The following SLC25A18 variants were observed in gnomAD, a reference collection of about 807,000 sequenced individuals.
SLC25A18 encodes the protein solute carrier family 25 member 18.
In SLC25A18, 24 loss-of-function variants were observed where a neutral mutation model predicts 31.1. The observed-to-expected ratio is 0.77, with a 90% CI of 0.56 to 1.08. SLC25A18 has a LOEUF of 1.08. Ranked by LOEUF, SLC25A18 falls within the 50% of genes least tolerant of loss-of-function variation. The pLI is 0.00. For synonymous variants in SLC25A18, 173 were observed against 161.9 expected, an observed-to-expected ratio of 1.07 and a Z score of -0.52; for missense variants, 371 against 418.5, an observed-to-expected ratio of 0.89 and a Z score of 0.99.
At chr22:17,567,034 T>C (rs1207628279) in intron 1 of SLC25A18, among the ~76,000 whole-genome samples, 1 of 152,194 alleles carries the variant, frequency 6.6e-6, no homozygotes, top group South Asian at 2.1e-4. Flanking sequence ...CATAGTGGCA[T>C]GCCTGTAATC....
intron 1 of SLC25A18, among the ~76,000 whole-genome samples, chr22:17,566,415 T>TC (rs1203148025): frequency 6.9e-6 from 1 of 144,630 alleles, no homozygotes; most frequent in Admixed American, 6.9e-5. Context: ...GCTGTCATTT[T>TC]CTTTTTTTTT....
In SLC25A18 at chr22:17,563,656, G is replaced by C; in HGVS notation, c.-321G>C. On this transcript the variant is annotated 5_prime_UTR_variant, in exon 1 of 11. Coordinates refer to ENST00000327451, the MANE Select transcript of SLC25A18 (RefSeq NM_031481.3). ...AGTGAGAAGAGTCGAGTGAAGCCTG[G>C]CCCGTGAGTGCCTCAACAACTGAGA... is the stretch of plus-strand genomic sequence containing the variant. 1 of 985,376 alleles carries C rather than the reference G, an allele frequency of 1.0e-6. No individual in the cohort carries two copies. Among genetic ancestry groups the C allele is most frequent in the Non-Finnish European group, 1.2e-6 (1 of 829,908 alleles). The allele number at this position is 985,376 out of a possible 1,614,324, so 61.0% of individuals were successfully genotyped here. A position where few individuals can be genotyped will look rare whatever the true frequency, so the allele number is the denominator to read the frequency against.
At chr22:17,564,836 G>A in intron 1 of SLC25A18, among the ~76,000 whole-genome samples, 1 of 125,416 alleles carries the variant, frequency 8.0e-6, no homozygotes. Flanking sequence ...CAGCCTGGGG[G>A]ACAGAGCAAG....
chr22:17,587,771 C>T (rs1411081545), intron 8 of SLC25A18, 154 bp from the exon 9 acceptor site: 6 of 868,990 alleles, frequency 6.9e-6, no homozygotes, highest in Non-Finnish European at 1.1e-5. Flanking sequence ...CCCTGCTGTC[C>T]CTCACCCACG....
At chr22:17,574,370 C>G (rs1356886006) in intron 2 of SLC25A18, among the ~76,000 whole-genome samples, 1 of 152,212 alleles carries the variant, frequency 6.6e-6, no homozygotes, top group Admixed American at 6.5e-5. Flanking sequence ...CTGTCTCTAG[C>G]CACCCAGGCT....
intron 8 of SLC25A18, 100 bp from the exon 9 acceptor site, chr22:17,587,825 C>T (rs959793346): frequency 1.4e-6 from 2 of 1,470,078 alleles, no homozygotes; most frequent in Non-Finnish European, 1.9e-6. Context: ...TGGCTCCTCT[C>T]ACTGTAAGCC....
intron 2 of SLC25A18, among the ~76,000 whole-genome samples, chr22:17,572,374 A>G (rs2057113119): frequency 6.7e-6 from 1 of 149,782 alleles, no homozygotes; most frequent in Non-Finnish European, 1.5e-5. Flanking sequence ...AATCTCAGCT[A>G]CTCAGGAGGC....
intron 1 of SLC25A18, chr22:17,569,508 C>A: frequency 1.6e-6 from 1 of 632,504 alleles, no homozygotes; most frequent in East Asian, 1.4e-4. Flanking sequence ...GTGCATGAGA[C>A]TGAGAAGCAG....
In SLC25A18 at chr22:17,569,917, C is replaced by T. The variant is rs2057043052; in HGVS notation, c.-263-7C>T. ...TGGCTGACACTGAAAGCCACCTCTCCCTGCAGCTCAGCAGCGATCTGAACT... is the reference window on the plus strand; with the variant it reads ...TGGCTGACACTGAAAGCCACCTCTCTCTGCAGCTCAGCAGCGATCTGAACT... On this transcript the variant is annotated splice_polypyrimidine_tract_variant and splice_region_variant and intron_variant, in intron 1 of 10. Transcript: ENST00000327451. 1.0e-6 allele frequency: 1 copy of T among 985,438 alleles called. No individual in the cohort carries two copies. Among genetic ancestry groups the T allele is most frequent in the Non-Finnish European group, 1.2e-6 (1 of 830,046 alleles). The allele number at this position is 985,438 out of a possible 1,614,324, so 61.0% of individuals were successfully genotyped here.
chr22:17,577,460 C>T (rs1025954702), intron 2 of SLC25A18, among the ~76,000 whole-genome samples: 6 of 151,792 alleles, frequency 4.0e-5, no homozygotes, highest in African/African-American at 1.5e-4. Context: ...ACCCGGCCCA[C>T]AGTTTCTAAA....
chr22:17,564,637 G>A (rs1333555294), intron 1 of SLC25A18, among the ~76,000 whole-genome samples: 6 of 152,036 alleles, frequency 3.9e-5, no homozygotes, highest in African/African-American at 9.7e-5. Context: ...CAAGGCGGGC[G>A]GATCACGAGG....
chr22:17,577,255 C>T (rs2057252634), intron 2 of SLC25A18, among the ~76,000 whole-genome samples: 1 of 152,090 alleles, frequency 6.6e-6, no homozygotes, highest in South Asian at 2.1e-4. Flanking sequence ...ATCTCCTGGC[C>T]CTGTGATCCG....
At chr22:17,577,740 C>T (rs2057269711) in intron 2 of SLC25A18, among the ~76,000 whole-genome samples, 4 of 149,974 alleles carry the variant, frequency 2.7e-5, no homozygotes, top group African/African-American at 7.4e-5. Context: ...ACCACCATTC[C>T]CCGCTAATTT....
At position 17,590,220 on chromosome 22, in the gene SLC25A18, T is replaced by TA. The variant is rs761487469; in HGVS notation, c.935dup (p.Cys313ValfsTer3). 227 of 1,614,218 alleles carry TA rather than the reference T, an allele frequency of 1.4e-4. 1 individual carries two copies. Among genetic ancestry groups the TA allele is most frequent in the Non-Finnish European group, 1.9e-4 (221 of 1,180,044 alleles). ...TTTATTGGGATTGGAGAGCGCATCTTAAAGTGTTTTGACTAGACAGAGCTG... is the reference window on the plus strand; with the variant it reads ...TTTATTGGGATTGGAGAGCGCATCTTAAAAGTGTTTTGACTAGACAGAGCTG... On this transcript the variant is annotated frameshift_variant, in exon 11 of 11. Coordinates refer to ENST00000327451, the MANE Select transcript of SLC25A18 (RefSeq NM_031481.3). LOFTEE classifies it high-confidence loss of function.
intron 2 of SLC25A18, among the ~76,000 whole-genome samples, chr22:17,572,974 G>A (rs145754164): frequency 3.9e-5 from 6 of 152,078 alleles, no homozygotes; most frequent in South Asian, 2.1e-4. Flanking sequence ...TTAACCGGGC[G>A]TGATGGTGCA....
intron 7 of SLC25A18, among the ~76,000 whole-genome samples, chr22:17,584,469 G>GAGAGAGAGAGAGAGAA (rs1555951532): frequency 8.2e-6 from 1 of 121,624 alleles, no homozygotes; most frequent in African/African-American, 3.7e-5. Flanking sequence ...GAGAGAGAGA[G>GAGAGAGAGAGAGAGAA]AGAAAGAAAG....
chr22:17,580,519 G>T, intron 3 of SLC25A18: 2 of 988,946 alleles, frequency 2.0e-6, no homozygotes, highest in Non-Finnish European at 2.4e-6. Context: ...TGTGGGAAGT[G>T]CCTGCTCTCT....
At chr22:17,580,634 C>G in intron 3 of SLC25A18, 1 of 1,002,948 alleles carries the variant, frequency 1.0e-6, no homozygotes, top group Non-Finnish European at 1.2e-6. Flanking sequence ...GGAGAGGTCA[C>G]AGTCAGGATG....
chr22:17,572,695 G>A (rs2057126775), intron 2 of SLC25A18, among the ~76,000 whole-genome samples: 2 of 128,018 alleles, frequency 1.6e-5, no homozygotes, highest in East Asian at 2.3e-4. Flanking sequence ...AGGCTGGAGT[G>A]CAGTGGCGCG....
Sources: allele counts gnomAD v4.1 joint callset (sites outside exome capture counted in the v4.1 genomes callset), GRCh38; gene constraint gnomAD v4.1.1; transcripts MANE v1.5; gene names NCBI Gene and HGNC (gene_info 2026-07-23, HGNC 2026-07-21).